FOXO1: variants seen among roughly 807,000 people sequenced by gnomAD.
FOXO1 encodes the protein forkhead box protein O1.
FOXO1 carries 6 observed loss-of-function variants against 44.1 expected under a neutral mutation model. That is an observed-to-expected ratio of 0.14 (90% CI 0.07 to 0.27). The LOEUF (loss-of-function observed/expected upper bound fraction) is 0.27. FOXO1 is among the 10% of genes least tolerant of loss of function. FOXO1 has a pLI of 1.00. For synonymous variants in FOXO1, 380 were observed against 362.7 expected, an observed-to-expected ratio of 1.05 and a Z score of -0.54; for missense variants, 737 against 888.8, an observed-to-expected ratio of 0.83 and a Z score of 2.17.
chr13:40,580,205 T>C (rs1172737248), intron 1 of FOXO1, among the ~76,000 whole-genome samples: 1 of 152,288 alleles, frequency 6.6e-6, no homozygotes, highest in East Asian at 1.9e-4. Context: ...AACAAAGCAG[T>C]TCCTATCAAG....
At chr13:40,664,613 G>A (rs1202064327) in intron 1 of FOXO1, among the ~76,000 whole-genome samples, 10 of 152,148 alleles carry the variant, frequency 6.6e-5, no homozygotes, top group Admixed American at 5.9e-4. Flanking sequence ...AGGGTGGCAA[G>A]GCAGGAAAAG....
At chr13:40,626,382 G>A (rs1303571710) in intron 1 of FOXO1, among the ~76,000 whole-genome samples, 1 of 152,220 alleles carries the variant, frequency 6.6e-6, no homozygotes, top group Non-Finnish European at 1.5e-5. Context: ...TTACAACACT[G>A]AAAGCCTAAT....
chr13:40,576,943 C>G (rs1363924780), intron 1 of FOXO1, among the ~76,000 whole-genome samples: 1 of 152,200 alleles, frequency 6.6e-6, no homozygotes, highest in Non-Finnish European at 1.5e-5. Flanking sequence ...ACTATAACAT[C>G]TTTCAGGTTG....
chr13:40,608,571 CCTT>C (rs1427973058), intron 1 of FOXO1, among the ~76,000 whole-genome samples: 11 of 152,192 alleles, frequency 7.2e-5, no homozygotes, highest in Non-Finnish European at 1.2e-4. Context: ...GCATATTTCT[CCTT>C]GTCTGTCACT....
In FOXO1 at chr13:40,576,115, G is replaced by A. The variant is rs1175007301; in HGVS notation, c.631-15255C>T. 5.3e-5 allele frequency among the ~76,000 whole-genome samples: 8 copies of A among 152,168 alleles called. No homozygotes were observed. In the South Asian group the frequency reaches 6.2e-4, roughly 12 times the overall value. Reference sequence around the variant, plus strand: ...TTACTGACCACTGTGCAGAATGTCCGATAAATATGAGCTATTAGTGTTTGT... The same window carrying A: ...TTACTGACCACTGTGCAGAATGTCCAATAAATATGAGCTATTAGTGTTTGT... On this transcript the variant is annotated intron_variant, in intron 1 of 2. Transcript: ENST00000379561.
At chr13:40,633,989 T>A (rs969335802) in intron 1 of FOXO1, among the ~76,000 whole-genome samples, 5 of 152,330 alleles carry the variant, frequency 3.3e-5, no homozygotes, top group Middle Eastern at 6.8e-3. Flanking sequence ...TATGAATTAC[T>A]GTACCTAGTA....
At chr13:40,615,980 A>G (rs1876409993) in intron 1 of FOXO1, among the ~76,000 whole-genome samples, 3 of 152,264 alleles carry the variant, frequency 2.0e-5, no homozygotes, top group Non-Finnish European at 2.9e-5. Context: ...AAGAAAGGAC[A>G]GAAGTAAGAA....
chr13:40,635,101 A>G (rs553146804), intron 1 of FOXO1, among the ~76,000 whole-genome samples: 3 of 152,236 alleles, frequency 2.0e-5, no homozygotes, highest in Non-Finnish European at 4.4e-5. Flanking sequence ...TCATTTATAT[A>G]AAAATCTACC....
At chr13:40,612,799 C>G (rs1367973069) in intron 1 of FOXO1, among the ~76,000 whole-genome samples, 1 of 152,080 alleles carries the variant, frequency 6.6e-6, no homozygotes, top group Non-Finnish European at 1.5e-5. Flanking sequence ...CTTACTCTGC[C>G]TAATGTATAA....
chr13:40,609,654 A>G (rs981272126), intron 1 of FOXO1, among the ~76,000 whole-genome samples: 1 of 152,176 alleles, frequency 6.6e-6, no homozygotes, highest in African/African-American at 2.4e-5. Flanking sequence ...ACTGTCTTCA[A>G]GGAAAACTTT....
intron 1 of FOXO1, among the ~76,000 whole-genome samples, chr13:40,621,834 T>C (rs932600995): frequency 1.2e-4 from 18 of 152,222 alleles, no homozygotes; most frequent in African/African-American, 4.1e-4. Flanking sequence ...ATTTGAAATG[T>C]TAAATTTAAT....
chr13:40,573,933 A>T lies in FOXO1; in HGVS notation c.631-13073T>A, dbSNP rs60194954. ...TTAGGATGACTCAAACCAACAGAAA[A>T]TTAGAATCTCCCACACAAGCCAATA... On this transcript the variant is annotated intron_variant, in intron 1 of 2. Transcript: ENST00000379561. 3.9e-3 allele frequency among the ~76,000 whole-genome samples: 592 copies of T among 152,342 alleles called. 2 individuals carry two copies. Among genetic ancestry groups the T allele is most frequent in the African/African-American group, 0.013 (560 of 41,576 alleles).
Position 40,560,353 on chromosome 13 carries a change from G to A in FOXO1, c.1138C>T (p.Leu380Phe), listed in dbSNP as rs771704055. 3.1e-6 allele frequency: 5 copies of A among 1,614,114 alleles called. No homozygotes were observed. Among genetic ancestry groups the A allele is most frequent in the South Asian group, 1.1e-5 (1 of 91,076 alleles). The change falls in exon 2 of 3, where the codon CTT becomes TTT. Residue 380 changes from leucine (L) to phenylalanine (F), a missense_variant. By Grantham distance (22) the Leu-to-Phe change is conservative. Around this residue, in one of 7 missense-constraint regions of FOXO1, gnomAD observed 136 missense variants for 186.4 expected, o/e 0.73. Coordinates refer to ENST00000379561, the MANE Select transcript of FOXO1 (RefSeq NM_002015.4). The surrounding 1 kb of genome is among the most constrained non-coding windows in gnomAD (Gnocchi z 5.1). Reference protein sequence around the residue: ...NMENLLDNLNLLSSPTSLTVS... With the variant: ...NMENLLDNLNFLSSPTSLTVS... ...GTTAATGATGTTGGTGATGAGAGAA[G>A]GTTGAGATTATCCAAAAGATTTTCC...
intron 1 of FOXO1, among the ~76,000 whole-genome samples, chr13:40,633,926 G>C (rs12585134): frequency 0.048 from 7,288 of 152,232 alleles, 587 homozygotes; most frequent in East Asian, 0.39. Context: ...CACATCAGTA[G>C]AAATGCATGC....
chr13:40,621,664 C>T (rs186547838), intron 1 of FOXO1, among the ~76,000 whole-genome samples: 13 of 152,254 alleles, frequency 8.5e-5, no homozygotes, highest in Non-Finnish European at 1.5e-4. Context: ...AGGTTAAAAA[C>T]CAATCTTCTT....
intron 1 of FOXO1, among the ~76,000 whole-genome samples, chr13:40,598,222 TCAGGTGGAATATGGCA>T (rs371332269): frequency 7.9e-5 from 12 of 152,280 alleles, no homozygotes; most frequent in Non-Finnish European, 1.3e-4. Flanking sequence ...AACTGGCTCT[TCAGGTGGAATATGGCA>T]CAGGGTAGCA....
chr13:40,644,678 ACT>A (rs1246704993), intron 1 of FOXO1, among the ~76,000 whole-genome samples: 1 of 152,196 alleles, frequency 6.6e-6, no homozygotes, highest in East Asian at 1.9e-4. Context: ...AAACCTCTAA[ACT>A]CTCAACATAT....
chr13:40,635,014 T>C (rs1192315369), intron 1 of FOXO1, among the ~76,000 whole-genome samples: 1 of 152,120 alleles, frequency 6.6e-6, no homozygotes, highest in East Asian at 1.9e-4. Context: ...CCTCTACAAT[T>C]TCAACATCAA....
chr13:40,590,753 CT>C (rs201103223), intron 1 of FOXO1, among the ~76,000 whole-genome samples: 1 of 151,456 alleles, frequency 6.6e-6, no homozygotes, highest in Non-Finnish European at 1.5e-5. Context: ...TTCTGTGTGG[CT>C]TTTTTTTTCT....
Sources: gnomAD v4.1 joint callset for allele counts (sites outside exome capture counted in the v4.1 genomes callset) on GRCh38, gnomAD v4.1.1 for gene constraint, gnomAD v4.1.1 regional missense constraint, Gnocchi (gnomAD v3.1) non-coding constraint, MANE v1.5 for transcripts, NCBI Gene and HGNC (gene_info 2026-07-23, HGNC 2026-07-21) for gene names.